KCND3: variants seen among roughly 807,000 people sequenced by gnomAD.
The protein encoded by KCND3 is A-type voltage-gated potassium channel KCND3.
Under a neutral mutation model 51.1 loss-of-function variants are expected in KCND3, and 9 were observed. The observed-to-expected ratio is 0.18, with a 90% CI of 0.11 to 0.31. The LOEUF is 0.31. KCND3 is among the 10% of genes least tolerant of loss of function. The pLI is 1.00. For missense variants in KCND3, 526 were observed against 903.8 expected (o/e 0.58, Z 5.36); for synonymous variants, 349 against 368.0 (o/e 0.95, Z 0.59).
intron 2 of KCND3, among the ~76,000 whole-genome samples, chr1:111,832,673 G>T (rs1571710237): frequency 6.6e-6 from 1 of 152,156 alleles, no homozygotes. Flanking sequence ...CAGAGTTTCT[G>T]TGTGTCCCCG....
chr1:111,815,456 G>C lies in KCND3; in HGVS notation c.1107-28350C>G, dbSNP rs142903170. The stretch of plus-strand genomic sequence containing the variant: ...TCTTTGGATTGCCTTATTTTAGTAA[G>C]AATCCTGCTAAATGGGTATCTGATC... On this transcript the variant is annotated intron_variant, in intron 2 of 7. Transcript: ENST00000302127. Among the ~76,000 whole-genome samples the C allele has an allele frequency of 2.0e-5, 3 of 151,134 alleles. No individual in the cohort carries two copies. The East Asian group carries it at 5.8e-4, about 29-fold the overall frequency.
intron 2 of KCND3, among the ~76,000 whole-genome samples, chr1:111,890,931 C>G (rs1489101253): frequency 6.6e-6 from 1 of 152,156 alleles, no homozygotes; most frequent in East Asian, 1.9e-4. Flanking sequence ...TCACAGTGAT[C>G]TGGACAAGAA....
intron 3 of KCND3, among the ~76,000 whole-genome samples, chr1:111,783,199 C>CAAAAAAA (rs67241053): frequency 9.7e-5 from 7 of 72,322 alleles, no homozygotes; most frequent in Admixed American, 3.3e-4. Context: ...AATTCAAAGA[C>CAAAAAAA]AAAAAAAAAA....
In KCND3 at chr1:111,777,079, T is replaced by C; in HGVS notation, c.1713A>G (p.Gln571=). ...CCTGGATGTGGATCGTGCTGAGCTC[T>C]TGCATGCTGCGCAGGCGAGTAGCTG... ...NLPATRLRSM[Q]ELSTIHIQGS... Residue 571 remains glutamine, a synonymous_variant, in exon 7 of 8, where the codon CAA becomes CAG. Coordinates refer to ENST00000302127, the MANE Select transcript of KCND3 (RefSeq NM_001378969.1). The C allele has an allele frequency of 6.2e-7, 1 of 1,614,028 alleles. No homozygotes were observed. The highest frequency in any genetic ancestry group is 8.5e-7 in the Non-Finnish European group (1 of 1,179,916).
In KCND3 at chr1:111,982,649, G is replaced by A. The variant is rs577403452; in HGVS notation, c.78C>T (p.Pro26=). ...TCTTGTCGGCCGGGGCCAGGGGCAT[G>A]GGGCAGTTGGCCACCGGCATCCACC... ...AIGWMPVANC[P]MPLAPADKNK... is the part of the protein sequence containing the mutation. Residue 26 remains proline, a synonymous_variant, in exon 2 of 8, where the codon CCC becomes CCT. Transcript: ENST00000302127. This position sits in a 1 kb window ranked among gnomAD's most constrained non-coding sequence, Gnocchi z 8.5. The A allele has an allele frequency of 1.9e-6, 3 of 1,613,398 alleles. No homozygotes were observed. The highest frequency in any genetic ancestry group is 2.7e-5 in the African/African-American group (2 of 75,050).
At chr1:111,978,715 A>AG (rs934099816) in intron 2 of KCND3, among the ~76,000 whole-genome samples, 8 of 152,128 alleles carry the variant, frequency 5.3e-5, no homozygotes, top group Non-Finnish European at 8.8e-5. Flanking sequence ...CACATATCTG[A>AG]GGGGGCTGCA....
chr1:111,870,073 C>A (rs1288448271), intron 2 of KCND3, among the ~76,000 whole-genome samples: 1 of 152,184 alleles, frequency 6.6e-6, no homozygotes, highest in Non-Finnish European at 1.5e-5. Flanking sequence ...TAAAATTTAT[C>A]AAGCACTTGC....
intron 2 of KCND3, among the ~76,000 whole-genome samples, chr1:111,930,151 C>CA (rs1363318274): frequency 2.0e-5 from 3 of 150,994 alleles, no homozygotes; most frequent in Admixed American, 6.6e-5. Context: ...TCACTGTTTT[C>CA]GGTTTTTGTT....
intron 2 of KCND3, among the ~76,000 whole-genome samples, chr1:111,874,762 C>T (rs1226739730): frequency 1.3e-5 from 2 of 152,208 alleles, no homozygotes; most frequent in Non-Finnish European, 2.9e-5. Flanking sequence ...GCCTTTTCTT[C>T]TGCTGAGTAC....
At chr1:111,803,559 T>G (rs1157849656) in intron 2 of KCND3, among the ~76,000 whole-genome samples, 1 of 152,186 alleles carries the variant, frequency 6.6e-6, no homozygotes, top group Admixed American at 6.5e-5. Flanking sequence ...AGAGAAACCC[T>G]CTGATATTCA....
intron 3 of KCND3, among the ~76,000 whole-genome samples, chr1:111,784,182 G>A (rs370347784): frequency 6.6e-6 from 1 of 150,814 alleles, no homozygotes; most frequent in Non-Finnish European, 1.5e-5. Context: ...AATAAGATTG[G>A]TAGGTTGTAC....
chr1:111,790,272 T>C (rs776632637), intron 2 of KCND3, among the ~76,000 whole-genome samples: 3 of 152,236 alleles, frequency 2.0e-5, no homozygotes, highest in Admixed American at 2.0e-4. Flanking sequence ...ATGGGTTTTA[T>C]ATCCCCAGGG....
intron 2 of KCND3, among the ~76,000 whole-genome samples, chr1:111,954,268 C>T (rs796507150): frequency 2.0e-4 from 30 of 152,326 alleles, no homozygotes; most frequent in African/African-American, 7.0e-4. Context: ...CATCTGCTTC[C>T]TGTTGGGACC....
chr1:111,778,480 G>T lies in KCND3; in HGVS notation c.1474C>A (p.Leu492Ile). The change falls in exon 6 of 8, where the codon CTT becomes ATT. Residue 492 changes from leucine (L) to isoleucine (I), a missense_variant. Around this residue, in one of 5 missense-constraint regions of KCND3, gnomAD observed 266 missense variants for 305.5 expected, o/e 0.87. Coordinates refer to ENST00000302127, the MANE Select transcript of KCND3 (RefSeq NM_001378969.1). ...CLEKTTGLSY[L>I]VDDPLLSVRT... ...ACAGATAACAGGGGATCATCCACAAGATAGGACAACCCCTACAGGACAACA... is the reference window on the plus strand; with the variant it reads ...ACAGATAACAGGGGATCATCCACAATATAGGACAACCCCTACAGGACAACA... 1 of 1,613,936 alleles carries T rather than the reference G, an allele frequency of 6.2e-7. No individual in the cohort carries two copies. Among genetic ancestry groups the T allele is most frequent in the Non-Finnish European group, 8.5e-7 (1 of 1,179,850 alleles).
chr1:111,956,283 G>C (rs1354755191), intron 2 of KCND3, among the ~76,000 whole-genome samples: 1 of 152,122 alleles, frequency 6.6e-6, no homozygotes, highest in Non-Finnish European at 1.5e-5. Context: ...GGAGACCACT[G>C]CATGTTGGAT....
intron 2 of KCND3, among the ~76,000 whole-genome samples, chr1:111,902,758 G>GT (rs1201281694): frequency 6.6e-6 from 1 of 152,156 alleles, no homozygotes; most frequent in Non-Finnish European, 1.5e-5. Flanking sequence ...CTACCTTGAG[G>GT]TTGTTGTGAG....
intron 2 of KCND3, among the ~76,000 whole-genome samples, chr1:111,939,748 G>C (rs927563787): frequency 6.6e-6 from 1 of 152,112 alleles, no homozygotes; most frequent in African/African-American, 2.4e-5. Context: ...CCCAGTAATG[G>C]GATTGCTGGG....
chr1:111,808,420 G>A (rs1036748418), intron 2 of KCND3, among the ~76,000 whole-genome samples: 1 of 152,202 alleles, frequency 6.6e-6, no homozygotes, highest in African/African-American at 2.4e-5. Context: ...TGGGTCAAAG[G>A]TTTCCTGGTC....
At chr1:111,931,519 T>A (rs1438352046) in intron 2 of KCND3, among the ~76,000 whole-genome samples, 1 of 152,130 alleles carries the variant, frequency 6.6e-6, no homozygotes, top group African/African-American at 2.4e-5. Context: ...AAGCAAAGAT[T>A]CTAGAGCCTG....
Sources: allele counts gnomAD v4.1 joint callset (sites outside exome capture counted in the v4.1 genomes callset), GRCh38; gene constraint gnomAD v4.1.1; regional missense constraint gnomAD v4.1.1; non-coding constraint Gnocchi (gnomAD v3.1); transcripts MANE v1.5; gene names NCBI Gene and HGNC (gene_info 2026-07-23, HGNC 2026-07-21).